Variants in ARAP3 observed in about 807,000 individuals in gnomAD.
The protein encoded by ARAP3 is arf-GAP with Rho-GAP domain, ANK repeat and PH domain-containing protein 3.
A neutral mutation model predicts 169.2 loss-of-function variants in ARAP3; 82 were observed. That is an observed-to-expected ratio of 0.48 (90% CI 0.41 to 0.58). ARAP3 has a LOEUF of 0.58. Ranked by LOEUF, ARAP3 falls within the 20% of genes least tolerant of loss-of-function variation. ARAP3 has a pLI of 0.00. For missense variants in ARAP3, 1,764 were observed against 2,018.0 expected, an observed-to-expected ratio of 0.87 and a Z score of 2.41; for synonymous variants, 791 against 800.3, an observed-to-expected ratio of 0.99 and a Z score of 0.20.
chr5:141,655,095 CCTCT>C (rs138882122), intron 32 of ARAP3, among the ~76,000 whole-genome samples: 1 of 151,058 alleles, frequency 6.6e-6, no homozygotes, highest in African/African-American at 2.4e-5. Flanking sequence ...TTTCTGGCCT[CCTCT>C]CTCTCTCTGT....
At position 141,662,258 on chromosome 5, in the gene ARAP3, G is replaced by A; in HGVS notation, c.2801-3C>T. On this transcript the variant is annotated splice_polypyrimidine_tract_variant and splice_region_variant and intron_variant, in intron 19 of 32. Transcript: ENST00000239440. ...GTATACACCTTCCAGCCGGAGCCCT[G>A]AGGAGAGCCAGCCGTCTCTGCTCAC... 1 of 1,613,852 alleles carries A rather than the reference G, an allele frequency of 6.2e-7. No individual in the cohort carries two copies.
Position 141,669,825 on chromosome 5 carries a change from G to A in ARAP3, c.2250-14C>T, listed in dbSNP as rs371265088. 3.1e-6 allele frequency: 5 copies of A among 1,613,622 alleles called. No individual in the cohort carries two copies. In the Admixed American group the frequency reaches 5.0e-5, roughly 16 times the overall value. On this transcript the variant is annotated splice_polypyrimidine_tract_variant and intron_variant, in intron 15 of 32. Transcript: ENST00000239440. ...GAAAAGGGGAACCTGGAGAGAAGAT[G>A]AGGTCAGGGAGGAGGATGGGACCAA...
At chr5:141,667,105 G>A (rs1206015199) in intron 16 of ARAP3, among the ~76,000 whole-genome samples, 2 of 151,994 alleles carry the variant, frequency 1.3e-5, no homozygotes, top group African/African-American at 4.8e-5. Flanking sequence ...GTAGAGATAG[G>A]GTTTTGCCAT....
rs762092359 is a variant in ARAP3, at chr5:141,659,788, A to G, written c.3258T>C (p.Ser1086=). The part of the protein sequence containing the change: ...VLQELIDGYI[S]VFDIDSDQVA... ...GTCAGGAAAGCCTTACATCAAAGAC[A>G]GAGATGTAGCCATCAATGAGCTCTT... Residue 1086 remains serine, a synonymous_variant, in exon 22 of 33, where the codon TCT becomes TCC. Coordinates refer to ENST00000239440, the MANE Select transcript of ARAP3 (RefSeq NM_022481.6). 1 of 1,611,908 alleles carries G rather than the reference A, an allele frequency of 6.2e-7. No homozygotes were observed. The highest frequency in any genetic ancestry group is 8.5e-7 in the Non-Finnish European group (1 of 1,178,522).
Position 141,655,934 on chromosome 5 carries a change from T to C in ARAP3, c.3909-2A>G. The C allele has an allele frequency of 6.2e-7, 1 of 1,613,766 alleles. No individual in the cohort carries two copies. The highest frequency in any genetic ancestry group is 8.5e-7 in the Non-Finnish European group (1 of 1,179,862). ...TCCTCGTCAGTGCAGGACAAGTAGCTGGGGTGATCAGAATGGAATCAGAGG... is the reference window on the plus strand; with the variant it reads ...TCCTCGTCAGTGCAGGACAAGTAGCCGGGGTGATCAGAATGGAATCAGAGG... On this transcript the variant is annotated splice_acceptor_variant, in intron 29 of 32. Coordinates refer to ENST00000239440, the MANE Select transcript of ARAP3 (RefSeq NM_022481.6). LOFTEE classifies it high-confidence loss of function.
chr5:141,672,127 C>A lies in ARAP3; in HGVS notation c.1560G>T (p.Gly520=). ...CTGCACACTGCTTGCAGATGACCAC[C>A]CCCAAATTGACAGCAGCCCAATCTG... The part of the protein sequence containing the change: ...SRPDWAAVNL[G]VVICKQCAGQ... Residue 520 remains glycine (G), a synonymous_variant, in exon 10 of 33, where the codon GGG becomes GGT. Coordinates refer to ENST00000239440, the MANE Select transcript of ARAP3 (RefSeq NM_022481.6). This position sits in a 1 kb window ranked among gnomAD's most constrained non-coding sequence, Gnocchi z 4.9. The A allele has an allele frequency of 6.2e-7, 1 of 1,614,172 alleles. No individual in the cohort carries two copies. Among genetic ancestry groups the A allele is most frequent in the Non-Finnish European group, 8.5e-7 (1 of 1,180,020 alleles).
intron 25 of ARAP3, among the ~76,000 whole-genome samples, chr5:141,657,852 G>A (rs761822616): frequency 5.3e-5 from 8 of 152,152 alleles, no homozygotes; most frequent in South Asian, 2.1e-4. Context: ...AAGGGGACTA[G>A]ACATCATCTA....
At chr5:141,658,950 G>A (rs562343771) in intron 23 of ARAP3, among the ~76,000 whole-genome samples, 6 of 152,072 alleles carry the variant, frequency 3.9e-5, no homozygotes, top group African/African-American at 9.6e-5. Flanking sequence ...CGCTGAACCC[G>A]TTTATTTGAA....
intron 1 of ARAP3, chr5:141,680,923 A>C: frequency 5.7e-6 from 1 of 173,922 alleles, no homozygotes. Flanking sequence ...GATGTGGCCA[A>C]TCAGCTCTGG....
chr5:141,666,050 A>AT lies in ARAP3; in HGVS notation c.2572+373_2572+374insA, dbSNP rs1216203385. Among the ~76,000 whole-genome samples the AT allele has an allele frequency of 3.8e-3, 550 of 146,324 alleles. 5 individuals are homozygous for AT. The highest frequency in any genetic ancestry group is 0.014 in the Middle Eastern group (4 of 286). On this transcript the variant is annotated intron_variant, in intron 17 of 32. Coordinates refer to ENST00000239440, the MANE Select transcript of ARAP3 (RefSeq NM_022481.6). ...CGTGACTCTGTCTCCAAAAAAAAAAAAAAATAATAATAATAATAATAATAA... is the reference window on the plus strand; with the variant it reads ...CGTGACTCTGTCTCCAAAAAAAAAAATAAAATAATAATAATAATAATAATAA...
intron 6 of ARAP3, 95 bp downstream of exon 6, chr5:141,673,306 C>CCA: frequency 6.4e-7 from 1 of 1,571,554 alleles, no homozygotes; most frequent in Admixed American, 1.7e-5. Context: ...CTGCCCCGCC[C>CCA]ACACACACAA....
At chr5:141,660,502 AAAAAAAG>A (rs1322245169) in intron 21 of ARAP3, among the ~76,000 whole-genome samples, 2 of 151,942 alleles carry the variant, frequency 1.3e-5, no homozygotes, top group Admixed American at 1.3e-4. Context: ...TCAAAAAAAA[AAAAAAAG>A]AAAATATATA....
chr5:141,656,035 G>C, intron 29 of ARAP3, 29 bp downstream of exon 29: 1 of 1,614,192 alleles, frequency 6.2e-7, no homozygotes, highest in Non-Finnish European at 8.5e-7. Context: ...AGGTGGGCCA[G>C]AGGAGAAGCC....
chr5:141,665,285 C>G, intron 18 of ARAP3, 26 bp downstream of exon 18: 7 of 1,613,654 alleles, frequency 4.3e-6, no homozygotes, highest in African/African-American at 1.3e-5. Context: ...AAGGGGAGCC[C>G]CAGGTCAAGG....
At chr5:141,665,819 TC>T (rs1415572845) in intron 17 of ARAP3, among the ~76,000 whole-genome samples, 1 of 151,928 alleles carries the variant, frequency 6.6e-6, no homozygotes, top group Admixed American at 6.6e-5. Context: ...TCACCTGAGG[TC>T]AGGAGTTCAA....
rs987855773 is a variant in ARAP3, at chr5:141,659,932, GA to G, written c.3120-7del. The G allele has an allele frequency of 1.9e-6, 3 of 1,552,308 alleles. No homozygotes were observed. The African/African-American group carries it at 4.1e-5, about 21-fold the overall frequency. ...GAGCCGCACATTTCTGCACCCTGCA[GA>G]GGGGTGCCACGGTCTTCATCAGTGT... On this transcript the variant is annotated splice_polypyrimidine_tract_variant and splice_region_variant and intron_variant, in intron 21 of 32. Coordinates refer to ENST00000239440, the MANE Select transcript of ARAP3 (RefSeq NM_022481.6).
At chr5:141,660,417 C>T (rs1400235430) in intron 21 of ARAP3, among the ~76,000 whole-genome samples, 1 of 151,240 alleles carries the variant, frequency 6.6e-6, no homozygotes, top group Admixed American at 6.6e-5. Flanking sequence ...TGGCGTGAAC[C>T]CTGGAGGCGG....
rs767766335 is a variant in ARAP3 at position 141,672,968 on chromosome 5, A to G, written c.1094-43T>C. 6.2e-7 allele frequency: 1 copy of G among 1,612,664 alleles called. No individual in the cohort carries two copies. Among genetic ancestry groups the G allele is most frequent in the South Asian group, 1.1e-5 (1 of 91,052 alleles). On this transcript the variant is annotated intron_variant, in intron 7 of 32. Transcript: ENST00000239440. The surrounding 1 kb of genome is among the most constrained non-coding windows in gnomAD (Gnocchi z 4.9). Reference sequence around the variant, plus strand: ...GCAGGTCAGTGGCTGTTGCTCACACAGCCTCCCTCCCTCCTGCCCTGACTC... The same window carrying G: ...GCAGGTCAGTGGCTGTTGCTCACACGGCCTCCCTCCCTCCTGCCCTGACTC...
intron 4 of ARAP3, among the ~76,000 whole-genome samples, chr5:141,676,062 A>G (rs992284365): frequency 9.2e-5 from 14 of 152,162 alleles, no homozygotes; most frequent in African/African-American, 3.4e-4. Flanking sequence ...ATTGCATCCA[A>G]TAAAAAACTC....
Sources: allele counts gnomAD v4.1 joint callset (sites outside exome capture counted in the v4.1 genomes callset), GRCh38; gene constraint gnomAD v4.1.1; non-coding constraint Gnocchi (gnomAD v3.1); transcripts MANE v1.5; gene names NCBI Gene and HGNC (gene_info 2026-07-23, HGNC 2026-07-21).